Variants in SLC24A2 observed in about 807,000 individuals in gnomAD.
The protein encoded by SLC24A2 is solute carrier family 24 member 2, also known as sodium/potassium/calcium exchanger 2.
Under a neutral mutation model 62.0 loss-of-function variants are expected in SLC24A2, and 36 were observed. The observed-to-expected ratio is 0.58, with a 90% CI of 0.44 to 0.77. SLC24A2 has a LOEUF of 0.77. Ranked by LOEUF, SLC24A2 falls within the 30% of genes least tolerant of loss-of-function variation. The pLI, the probability that SLC24A2 is intolerant of heterozygous loss-of-function variation, is 0.00. For missense variants in SLC24A2, 846 were observed against 817.9 expected, an observed-to-expected ratio of 1.03 and a Z score of -0.42; for synonymous variants, 358 against 294.0, an observed-to-expected ratio of 1.22 and a Z score of -2.23.
chr9:19,546,362 T>A (rs1834569380), intron 8 of SLC24A2, among the ~76,000 whole-genome samples: 1 of 152,000 alleles, frequency 6.6e-6, no homozygotes, highest in African/African-American at 2.4e-5. Context: ...GGTACTGCCT[T>A]TTTTTTTCAG....
At chr9:19,954,559 T>C in the SLC24A2 span, among the ~76,000 whole-genome samples, 1 of 152,036 alleles carries the variant, frequency 6.6e-6, no homozygotes, top group Non-Finnish European at 1.5e-5. Context: ...ACTATGCATG[T>C]ATTAGCCAAT....
intron 7 of SLC24A2, among the ~76,000 whole-genome samples, chr9:19,561,729 C>T (rs931143262): frequency 4.6e-5 from 7 of 151,944 alleles, no homozygotes; most frequent in African/African-American, 9.7e-5. Flanking sequence ...TGCTCCTGGC[C>T]GAAAACAGAC....
chr9:20,218,743 A>G, the SLC24A2 span, among the ~76,000 whole-genome samples: 6 of 152,172 alleles, frequency 3.9e-5, no homozygotes, highest in East Asian at 7.7e-4. Context: ...TTTCTCTGCT[A>G]TGTAACAAAT....
intron 5 of SLC24A2, among the ~76,000 whole-genome samples, chr9:19,592,897 GGGTAGCTGAAGTTACCAAAAGACA>G (rs935078120): frequency 3.0e-4 from 46 of 152,260 alleles, no homozygotes; most frequent in Admixed American, 2.6e-3. Context: ...GCCTGTGTAG[GGGTAGCTGAAGTTACCAAAAGACA>G]TTTTTGTCCC....
At chr9:19,879,577 C>T in the SLC24A2 span, among the ~76,000 whole-genome samples, 2 of 152,048 alleles carry the variant, frequency 1.3e-5, no homozygotes, top group South Asian at 2.1e-4. Context: ...TCATTTGCCT[C>T]ATAGTAGTAA....
rs775047550 is a variant in SLC24A2 at position 19,738,391 on chromosome 9, C to G, written c.930+47546G>C. 2.0e-5 allele frequency among the ~76,000 whole-genome samples: 3 copies of G among 151,988 alleles called. No individual in the cohort carries two copies. In the East Asian group the frequency reaches 5.8e-4, roughly 29 times the overall value. On this transcript the variant is annotated intron_variant, in intron 2 of 10. Transcript: ENST00000341998. ...GGGTAAAAGTGGACATTTAGGGTAA[C>G]AGATCCCGAGAGAGAGAGAACGCAT... is the stretch of plus-strand genomic sequence containing the variant.
the SLC24A2 span, among the ~76,000 whole-genome samples, chr9:20,291,139 G>C: frequency 6.6e-6 from 1 of 152,108 alleles, no homozygotes; most frequent in South Asian, 2.1e-4. Flanking sequence ...GAGAAGTAGG[G>C]GGACAAAATA....
chr9:19,733,421 T>G lies in SLC24A2; in HGVS notation c.930+52516A>C, dbSNP rs182170522. 2.6e-5 allele frequency among the ~76,000 whole-genome samples: 4 copies of G among 152,294 alleles called. 1 individual carries two copies. The East Asian group carries it at 7.7e-4, about 29-fold the overall frequency. ...TATCCCCTTCAGTCATCCAGCCCAT[T>G]GCCTCCTCACACCTTTAAGTGAAAA... On this transcript the variant is annotated intron_variant, in intron 2 of 10. Coordinates refer to ENST00000341998, the MANE Select transcript of SLC24A2 (RefSeq NM_020344.4).
chr9:19,741,797 T>C (rs758858672), intron 2 of SLC24A2, among the ~76,000 whole-genome samples: 2 of 152,210 alleles, frequency 1.3e-5, no homozygotes, highest in African/African-American at 4.8e-5. Flanking sequence ...TTTTCTCTTA[T>C]TGAGCATACA....
the SLC24A2 span, among the ~76,000 whole-genome samples, chr9:19,816,033 C>T: frequency 7.3e-6 from 1 of 136,566 alleles, no homozygotes; most frequent in Non-Finnish European, 1.5e-5. Flanking sequence ...TTTTCCCAGG[C>T]TTACCTGGTT....
At chr9:19,553,632 G>A (rs1479150512) in intron 7 of SLC24A2, among the ~76,000 whole-genome samples, 1 of 152,200 alleles carries the variant, frequency 6.6e-6, no homozygotes, top group Admixed American at 6.5e-5. Flanking sequence ...GCTGGGCAGA[G>A]TAGGTGGTAG....
the SLC24A2 span, among the ~76,000 whole-genome samples, chr9:20,248,145 T>A: frequency 6.6e-6 from 1 of 152,102 alleles, no homozygotes; most frequent in South Asian, 2.1e-4. Context: ...GATTCCTGAG[T>A]TGGAATGGAT....
At chr9:20,081,291 T>C in the SLC24A2 span, among the ~76,000 whole-genome samples, 192 of 152,086 alleles carry the variant, frequency 1.3e-3, 2 homozygotes, top group East Asian at 0.019. Context: ...TGGAATACTA[T>C]GCAGCCATAA....
chr9:19,607,276 A>G (rs1837010131), intron 4 of SLC24A2, among the ~76,000 whole-genome samples: 1 of 152,134 alleles, frequency 6.6e-6, no homozygotes, highest in South Asian at 2.1e-4. Context: ...GCTGCTTTTT[A>G]TCTCTGGGAA....
At chr9:20,075,000 A>G in the SLC24A2 span, among the ~76,000 whole-genome samples, 5 of 152,194 alleles carry the variant, frequency 3.3e-5, no homozygotes, top group African/African-American at 1.2e-4. Flanking sequence ...GCATGTAAGA[A>G]ATAATGGAAA....
intron 2 of SLC24A2, among the ~76,000 whole-genome samples, chr9:19,680,184 C>T (rs562422023): frequency 3.9e-5 from 6 of 152,164 alleles, no homozygotes; most frequent in Non-Finnish European, 7.4e-5. Context: ...GAAAGTAGGC[C>T]GAGGTCCCTG....
chr9:19,593,086 G>A (rs1555999), intron 5 of SLC24A2, among the ~76,000 whole-genome samples: 116,722 of 152,206 alleles, frequency 0.77, 44,973 homozygotes, highest in Non-Finnish European at 0.81. Flanking sequence ...GTCATCTTGG[G>A]ACACATGAAC....
At chr9:19,665,000 C>T (rs1819207702) in intron 2 of SLC24A2, among the ~76,000 whole-genome samples, 1 of 152,154 alleles carries the variant, frequency 6.6e-6, no homozygotes, top group Non-Finnish European at 1.5e-5. Context: ...ACAAATACGC[C>T]TTGTAACACC....
At chr9:19,682,822 A>G (rs1018262430) in intron 2 of SLC24A2, among the ~76,000 whole-genome samples, 1 of 152,114 alleles carries the variant, frequency 6.6e-6, no homozygotes, top group African/African-American at 2.4e-5. Context: ...AGAGGTGGAA[A>G]ATTTTTGAAG....
Sources: gnomAD v4.1 joint callset for allele counts (sites outside exome capture counted in the v4.1 genomes callset) on GRCh38, gnomAD v4.1.1 for gene constraint, MANE v1.5 for transcripts, NCBI Gene and HGNC (gene_info 2026-07-23, HGNC 2026-07-21) for gene names.